The following PLD3 variants were observed in gnomAD, a reference collection of about 807,000 sequenced individuals.
PLD3 encodes 5'-3' exonuclease PLD3.
PLD3 carries 31 observed loss-of-function variants against 58.4 expected under a neutral mutation model. That is an observed-to-expected ratio of 0.53 (90% CI 0.40 to 0.72). The LOEUF is 0.72. PLD3 is among the 30% of genes least tolerant of loss of function. The probability of loss-of-function intolerance (pLI) is 0.00; values close to 1 mark genes in which losing one functional copy is unlikely to be tolerated. For missense variants in PLD3, 595 were observed against 659.8 expected, an observed-to-expected ratio of 0.90 and a Z score of 1.08; for synonymous variants, 264 against 273.4, an observed-to-expected ratio of 0.97 and a Z score of 0.34.
chr19:40,362,151 G>A (rs538066734), intron 1 of PLD3, among the ~76,000 whole-genome samples: 4 of 151,952 alleles, frequency 2.6e-5, no homozygotes, highest in Non-Finnish European at 4.4e-5. Context: ...TTTTTCCCTC[G>A]TGTCTATTTT....
intron 9 of PLD3, among the ~76,000 whole-genome samples, chr19:40,373,245 C>G (rs2079109610): frequency 6.6e-6 from 1 of 152,176 alleles, no homozygotes. Context: ...TACCACTTCC[C>G]CTTTTAGAGC....
Position 40,353,239 on chromosome 19 carries a change from G to A in PLD3, c.-279+4471G>A, listed in dbSNP as rs942928282. On this transcript the variant is annotated intron_variant, in intron 1 of 12. Transcript: ENST00000409735. ...GAGGTCAGGAGTTCGAGACCAGCCT[G>A]GCCAATATGGTGAAACACTGTCTTT... is the stretch of plus-strand genomic sequence containing the variant. 7.9e-5 allele frequency among the ~76,000 whole-genome samples: 12 copies of A among 152,248 alleles called. No individual in the cohort carries two copies. In the East Asian group the frequency reaches 1.4e-3, roughly 17 times the overall value.
At chr19:40,352,636 TAA>T (rs2078547633) in intron 1 of PLD3, among the ~76,000 whole-genome samples, 1 of 152,016 alleles carries the variant, frequency 6.6e-6, no homozygotes, top group Non-Finnish European at 1.5e-5. Context: ...TTAAATATAT[TAA>T]GTCCAATTTA....
Position 40,377,829 on chromosome 19 carries a change from C to T in PLD3, c.1229C>T (p.Pro410Leu), listed in dbSNP as rs2079275630. The part of the protein sequence containing the change: ...VPADEAQARI[P>L]YARVNHNKYM... ...GCGGATGAGGCCCAGGCTCGAATCCCATATGCCCGTGTCAACCACAACAAG... is the reference window on the plus strand; with the variant it reads ...GCGGATGAGGCCCAGGCTCGAATCCTATATGCCCGTGTCAACCACAACAAG... Residue 410 changes from proline (P) to leucine (L), a missense_variant, in exon 12 of 13, where the codon CCA becomes CTA. Transcript: ENST00000409735. The T allele has an allele frequency of 1.9e-6, 3 of 1,613,908 alleles. No individual in the cohort carries two copies. Among genetic ancestry groups the T allele is most frequent in the South Asian group, 2.2e-5 (2 of 91,084 alleles).
At chr19:40,365,089 C>G (rs2078884663) in intron 1 of PLD3, among the ~76,000 whole-genome samples, 2 of 152,212 alleles carry the variant, frequency 1.3e-5, no homozygotes, top group Admixed American at 1.3e-4. Context: ...TCCTTTTCTG[C>G]AGTTATCTCT....
chr19:40,364,701 T>G (rs1600294468), intron 1 of PLD3, among the ~76,000 whole-genome samples: 1 of 145,892 alleles, frequency 6.9e-6, no homozygotes, highest in Non-Finnish European at 1.5e-5. Flanking sequence ...GAAGCTGAGG[T>G]GGGCGAATTG....
intron 1 of PLD3, among the ~76,000 whole-genome samples, chr19:40,355,040 T>C (rs2078620177): frequency 6.6e-6 from 1 of 151,920 alleles, no homozygotes; most frequent in Non-Finnish European, 1.5e-5. Flanking sequence ...GGTTTCACCA[T>C]GTTGGCCAGG....
At chr19:40,369,529 CTG>C (rs1456998365) in intron 6 of PLD3, among the ~76,000 whole-genome samples, 2 of 152,172 alleles carry the variant, frequency 1.3e-5, no homozygotes, top group African/African-American at 4.8e-5. Flanking sequence ...GCATCCTTGA[CTG>C]TTGCTGTTGT....
chr19:40,369,371 A>G (rs2079008241), intron 6 of PLD3, among the ~76,000 whole-genome samples: 2 of 152,154 alleles, frequency 1.3e-5, no homozygotes, highest in Admixed American at 1.3e-4. Flanking sequence ...CAACAAACAA[A>G]CAAACAAAAA....
intron 6 of PLD3, among the ~76,000 whole-genome samples, chr19:40,368,303 A>G (rs2078979721): frequency 6.6e-6 from 1 of 152,178 alleles, no homozygotes; most frequent in African/African-American, 2.4e-5. Context: ...GCCAATTTAT[A>G]GCACCTGCTT....
At chr19:40,367,419 A>C in intron 5 of PLD3, 8 of 336,988 alleles carry the variant, frequency 2.4e-5, no homozygotes, top group Non-Finnish European at 2.2e-5. Context: ...CATCTCTACT[A>C]AAAGTAAAAA....
chr19:40,369,899 T>A lies in PLD3; in HGVS notation c.430-9T>A. ...GTCCAGCCCCTCAGAAGCTCTCCCCTCCCCGCAGGGTGAGGAGGTCCTCCG... is the reference window on the plus strand; with the variant it reads ...GTCCAGCCCCTCAGAAGCTCTCCCCACCCCGCAGGGTGAGGAGGTCCTCCG... On this transcript the variant is annotated splice_polypyrimidine_tract_variant and intron_variant, in intron 6 of 12. Coordinates refer to ENST00000409735, the MANE Select transcript of PLD3 (RefSeq NM_012268.4). The A allele has an allele frequency of 6.5e-7, 1 of 1,550,164 alleles. No homozygotes were observed. The highest frequency in any genetic ancestry group is 8.7e-7 in the Non-Finnish European group (1 of 1,147,994).
At chr19:40,355,426 C>T (rs946919532) in intron 1 of PLD3, among the ~76,000 whole-genome samples, 1 of 151,744 alleles carries the variant, frequency 6.6e-6, no homozygotes. Flanking sequence ...GATTCTCCTG[C>T]CTCACCCTCC....
intron 6 of PLD3, among the ~76,000 whole-genome samples, chr19:40,368,200 C>T (rs2078976603): frequency 6.6e-6 from 1 of 152,100 alleles, no homozygotes; most frequent in Admixed American, 6.5e-5. Flanking sequence ...TAATTAACAG[C>T]CCAGCCTCAA....
intron 10 of PLD3, chr19:40,376,389 A>G (rs931314700): frequency 2.0e-6 from 1 of 507,954 alleles, no homozygotes; most frequent in Non-Finnish European, 3.5e-6. Context: ...GAGGATGACA[A>G]CACTGGGTTT....
chr19:40,378,170 C>G lies in PLD3; in HGVS notation c.1470C>G (p.Leu490=). 1 of 1,606,942 alleles carries G rather than the reference C, an allele frequency of 6.2e-7. No individual in the cohort carries two copies. Among genetic ancestry groups the G allele is most frequent in the Non-Finnish European group, 8.5e-7 (1 of 1,176,048 alleles). The change falls in exon 13 of 13, where the codon CTC becomes CTG. Residue 490 remains leucine (L), a synonymous_variant. Coordinates refer to ENST00000409735, the MANE Select transcript of PLD3 (RefSeq NM_012268.4). Reference sequence around the variant, plus strand: ...GCGTGGGCAACGCCTGCCGCCTGCTCTGAGGCCCGATCCAGTGGGCAGGCC... The same window carrying G: ...GCGTGGGCAACGCCTGCCGCCTGCTGTGAGGCCCGATCCAGTGGGCAGGCC... ...ADSVGNACRL[L]
intron 6 of PLD3, among the ~76,000 whole-genome samples, chr19:40,369,124 C>A (rs1008605007): frequency 6.6e-6 from 1 of 151,926 alleles, no homozygotes; most frequent in Non-Finnish European, 1.5e-5. Flanking sequence ...AACCCTGTCT[C>A]TAAAAAAAAA....
At position 40,377,901 on chromosome 19, in the gene PLD3, A is replaced by G; in HGVS notation, c.1285+16A>G. On this transcript the variant is annotated intron_variant, in intron 12 of 12. Coordinates refer to ENST00000409735, the MANE Select transcript of PLD3 (RefSeq NM_012268.4). ...ACCTACATCGGTGAGTGTCTTGAGCACCACGGGGCGCTGAAGAAGAGGGGG... is the reference window on the plus strand; with the variant it reads ...ACCTACATCGGTGAGTGTCTTGAGCGCCACGGGGCGCTGAAGAAGAGGGGG... The G allele has an allele frequency of 6.2e-7, 1 of 1,613,074 alleles. No individual in the cohort carries two copies. The highest frequency in any genetic ancestry group is 8.5e-7 in the Non-Finnish European group (1 of 1,179,124).
intron 6 of PLD3, among the ~76,000 whole-genome samples, chr19:40,368,922 C>CT (rs2078996116): frequency 1.3e-5 from 2 of 151,584 alleles, no homozygotes; most frequent in South Asian, 4.2e-4. Flanking sequence ...AAGACCCTGT[C>CT]TCAAAAAAAA....
Sources: allele counts gnomAD v4.1 joint callset (sites outside exome capture counted in the v4.1 genomes callset), GRCh38; gene constraint gnomAD v4.1.1; transcripts MANE v1.5; gene names NCBI Gene and HGNC (gene_info 2026-07-23, HGNC 2026-07-21).